The following GRIA4 variants were observed in gnomAD, a reference collection of about 807,000 sequenced individuals.
GRIA4 encodes the protein glutamate receptor 4.
In GRIA4, 34 loss-of-function variants were observed where a neutral mutation model predicts 104.0. That is an observed-to-expected ratio of 0.33 (90% CI 0.25 to 0.44). The LOEUF is 0.44. Among genes scored for constraint, GRIA4 ranks in the 20% least tolerant of loss-of-function variants. The pLI, the probability that GRIA4 is intolerant of heterozygous loss-of-function variation, is 1.00. For synonymous variants in GRIA4, 386 were observed against 381.9 expected, an observed-to-expected ratio of 1.01 and a Z score of -0.13; for missense variants, 750 against 1,096.5, an observed-to-expected ratio of 0.68 and a Z score of 4.46.
At chr11:105,723,509 G>A (rs1390434717) in intron 3 of GRIA4, among the ~76,000 whole-genome samples, 1 of 152,028 alleles carries the variant, frequency 6.6e-6, no homozygotes, top group Non-Finnish European at 1.5e-5. Flanking sequence ...ACAAATTGGA[G>A]AGTTAGGATG....
intron 4 of GRIA4, among the ~76,000 whole-genome samples, chr11:105,809,880 C>T (rs1275167701): frequency 2.0e-5 from 3 of 152,092 alleles, no homozygotes; most frequent in Admixed American, 6.6e-5. Flanking sequence ...CATTACCCAT[C>T]CCCTCTTTAT....
At chr11:105,693,133 A>G (rs10895860) in intron 3 of GRIA4, among the ~76,000 whole-genome samples, 67,825 of 151,944 alleles carry the variant, frequency 0.45, 15,259 homozygotes, top group East Asian at 0.57. Context: ...AACAAATAAA[A>G]CAAAGGGGAA....
At chr11:105,699,344 A>G (rs1783636704) in intron 3 of GRIA4, among the ~76,000 whole-genome samples, 1 of 152,148 alleles carries the variant, frequency 6.6e-6, no homozygotes, top group Admixed American at 6.6e-5. Flanking sequence ...AGAATTATTC[A>G]GGACACTAGC....
At chr11:105,979,133 ATACATATCGTTTGTTTAGG>A (rs1413531790) in intron 16 of GRIA4, among the ~76,000 whole-genome samples, 1 of 152,232 alleles carries the variant, frequency 6.6e-6, no homozygotes, top group African/African-American at 2.4e-5. Context: ...TGAATAGTCT[ATACATATCGTTTGTTTAGG>A]TACTTCATTA....
At chr11:105,752,622 C>T (rs1940069228) in intron 3 of GRIA4, among the ~76,000 whole-genome samples, 1 of 151,978 alleles carries the variant, frequency 6.6e-6, no homozygotes, top group African/African-American at 2.4e-5. Flanking sequence ...GAAAAAAATA[C>T]AGAAAATAAT....
chr11:105,896,494 T>G (rs1946656711), intron 6 of GRIA4, among the ~76,000 whole-genome samples: 1 of 152,168 alleles, frequency 6.6e-6, no homozygotes, highest in Non-Finnish European at 1.5e-5. Flanking sequence ...TATAAATTCT[T>G]TGTCTAGGCC....
intron 3 of GRIA4, among the ~76,000 whole-genome samples, chr11:105,719,175 G>T (rs1317630464): frequency 6.6e-6 from 1 of 151,978 alleles, no homozygotes; most frequent in Non-Finnish European, 1.5e-5. Flanking sequence ...TTGAGAGTTC[G>T]GTAAGTGCTA....
At position 105,904,242 on chromosome 11, in the gene GRIA4, A is replaced by G. The variant is rs146435127; in HGVS notation, c.1053+261A>G. On this transcript the variant is annotated intron_variant, in intron 8 of 16. Coordinates refer to ENST00000282499, the MANE Select transcript of GRIA4 (RefSeq NM_000829.4). ...CAAATCACAGTGACTCAAAACAACA[A>G]AGGAGCTTTGCTTATTCAGACACAC... Among the ~76,000 whole-genome samples the G allele has an allele frequency of 6.2e-4, 95 of 152,302 alleles. 1 individual carries two copies. Among genetic ancestry groups the G allele is most frequent in the Admixed American group, 4.4e-3 (68 of 15,286 alleles).
At chr11:105,788,881 C>T (rs1942091658) in intron 4 of GRIA4, among the ~76,000 whole-genome samples, 1 of 152,084 alleles carries the variant, frequency 6.6e-6, no homozygotes, top group East Asian at 1.9e-4. Context: ...CTTGAAAAAT[C>T]TTATAGTTCT....
At chr11:105,911,124 T>C (rs1162520538) in intron 10 of GRIA4, among the ~76,000 whole-genome samples, 1 of 152,076 alleles carries the variant, frequency 6.6e-6, no homozygotes, top group Admixed American at 6.6e-5. Context: ...AAAAGGGTTT[T>C]CTTCCACCGA....
At chr11:105,850,612 G>GCA (rs1222842475) in intron 4 of GRIA4, among the ~76,000 whole-genome samples, 1 of 152,070 alleles carries the variant, frequency 6.6e-6, no homozygotes, top group Non-Finnish European at 1.5e-5. Flanking sequence ...TGGACCACAG[G>GCA]GCAGCACTCA....
At chr11:105,878,767 A>T (rs1305869402) in intron 5 of GRIA4, among the ~76,000 whole-genome samples, 1 of 152,164 alleles carries the variant, frequency 6.6e-6, no homozygotes, top group Non-Finnish European at 1.5e-5. Flanking sequence ...TCCCAGGTTG[A>T]CCTCAGACTG....
intron 4 of GRIA4, among the ~76,000 whole-genome samples, chr11:105,850,087 C>T (rs1417753141): frequency 6.6e-6 from 1 of 151,984 alleles, no homozygotes; most frequent in Non-Finnish European, 1.5e-5. Context: ...ACCAAAATGT[C>T]GGTGGCACAC....
At chr11:105,874,951 T>C (rs1331938236) in intron 5 of GRIA4, among the ~76,000 whole-genome samples, 3 of 152,350 alleles carry the variant, frequency 2.0e-5, no homozygotes, top group Admixed American at 1.3e-4. Flanking sequence ...CAATAATGTG[T>C]TGAATAGGAG....
In GRIA4 at chr11:105,934,039, G is replaced by T. The variant is rs1012421800; in HGVS notation, c.2294+70G>T. On this transcript the variant is annotated intron_variant, in intron 14 of 16. Coordinates refer to ENST00000282499, the MANE Select transcript of GRIA4 (RefSeq NM_000829.4). ...TCCACCTTCCCTGATGTGCCTGAGAGAATTATTTTGTTTTGTGTGTGAACA... is the reference window on the plus strand; with the variant it reads ...TCCACCTTCCCTGATGTGCCTGAGATAATTATTTTGTTTTGTGTGTGAACA... 34 of 1,261,000 alleles carry T rather than the reference G, an allele frequency of 2.7e-5. No individual in the cohort carries two copies. The African/African-American group carries it at 4.9e-4, about 18-fold the overall frequency. The allele number at this position is 1,261,000 out of a possible 1,614,324, so 78.1% of individuals were successfully genotyped here. A position where few individuals can be genotyped will look rare whatever the true frequency, so the allele number is the denominator to read the frequency against.
chr11:105,923,492 T>C (rs904847054), intron 11 of GRIA4, among the ~76,000 whole-genome samples: 3 of 152,118 alleles, frequency 2.0e-5, no homozygotes, highest in African/African-American at 4.8e-5. Flanking sequence ...AGAGAAGCTA[T>C]TCAAAATATT....
chr11:105,849,655 A>G (rs974074595), intron 4 of GRIA4, among the ~76,000 whole-genome samples: 1 of 152,178 alleles, frequency 6.6e-6, no homozygotes, highest in African/African-American at 2.4e-5. Flanking sequence ...AGATAAGGAG[A>G]GTGCTAAGCT....
At chr11:105,833,949 C>T (rs548832005) in intron 4 of GRIA4, among the ~76,000 whole-genome samples, 1 of 152,190 alleles carries the variant, frequency 6.6e-6, no homozygotes, top group Non-Finnish European at 1.5e-5. Context: ...CACCTACAAT[C>T]ATTTTACTAT....
chr11:105,696,574 T>A (rs1342233686), intron 3 of GRIA4, among the ~76,000 whole-genome samples: 6 of 152,194 alleles, frequency 3.9e-5, no homozygotes, highest in Non-Finnish European at 8.8e-5. Context: ...TAATAAGCAT[T>A]CTATTAAATA....
Sources: gnomAD v4.1 joint callset for allele counts (sites outside exome capture counted in the v4.1 genomes callset) on GRCh38, gnomAD v4.1.1 for gene constraint, MANE v1.5 for transcripts, NCBI Gene and HGNC (gene_info 2026-07-23, HGNC 2026-07-21) for gene names.